Variants in KCNE2 observed in about 807,000 individuals in gnomAD.
KCNE2 encodes the protein potassium voltage-gated channel subfamily E member 2.
Under a neutral mutation model 4.5 loss-of-function variants are expected in KCNE2, and 4 were observed. The ratio of observed to expected loss-of-function variants is 0.89; its 90% CI spans 0.44 to 2.03. KCNE2 has a LOEUF of 2.03. Ranked by LOEUF, KCNE2 falls within the 30% of genes most tolerant of loss-of-function variation. The pLI is 0.03. For synonymous variants in KCNE2, 57 were observed against 55.9 expected (o/e 1.02, Z -0.09); for missense variants, 137 against 151.4 (o/e 0.90, Z 0.50).
At chr21:34,367,492 AAGTTTCCTTCCAACCCACT>A (rs1263430838) in intron 1 of KCNE2, among the ~76,000 whole-genome samples, 2 of 152,138 alleles carry the variant, frequency 1.3e-5, no homozygotes, top group Non-Finnish European at 2.9e-5. Context: ...TCTATTTGTT[AAGTTTCCTTCCAACCCACT>A]AGCCTGTGTG....
Position 34,370,760 on chromosome 21 carries a change from A to G in KCNE2, c.282A>G (p.Glu94=). The change falls in exon 2 of 2, where the codon GAA becomes GAG. Residue 94 remains glutamate (E), a synonymous_variant. Transcript: ENST00000290310. ...YHQYIVEDWQ[E]KYKSQILNLE... Reference sequence around the variant, plus strand: ...AGTACATTGTAGAGGACTGGCAGGAAAAGTACAAGAGCCAAATCTTGAATC... The same window carrying G: ...AGTACATTGTAGAGGACTGGCAGGAGAAGTACAAGAGCCAAATCTTGAATC... The G allele has an allele frequency of 6.2e-7, 1 of 1,614,210 alleles. No individual in the cohort carries two copies. The highest frequency in any genetic ancestry group is 8.5e-7 in the Non-Finnish European group (1 of 1,180,020).
intron 1 of KCNE2, among the ~76,000 whole-genome samples, chr21:34,367,738 C>G (rs1310841459): frequency 6.6e-6 from 1 of 152,156 alleles, no homozygotes; most frequent in Non-Finnish European, 1.5e-5. Context: ...ATCTGATTCT[C>G]TTTTCATGAA....
intron 1 of KCNE2, among the ~76,000 whole-genome samples, chr21:34,369,393 T>C (rs1334673143): frequency 6.6e-6 from 1 of 151,882 alleles, no homozygotes; most frequent in Non-Finnish European, 1.5e-5. Flanking sequence ...CTACCAAAAA[T>C]ACAAAAGTTA....
chr21:34,366,798 T>C (rs768749175), intron 1 of KCNE2, among the ~76,000 whole-genome samples: 15 of 151,344 alleles, frequency 9.9e-5, no homozygotes. Flanking sequence ...GCTAACATGG[T>C]GAAACCCCGT....
chr21:34,370,057 A>G (rs1056018609), intron 1 of KCNE2, among the ~76,000 whole-genome samples: 9 of 152,250 alleles, frequency 5.9e-5, no homozygotes, highest in African/African-American at 1.9e-4. Flanking sequence ...AAGTAATGCA[A>G]GACTGCTGAT....
At chr21:34,370,088 A>C (rs1239834123) in intron 1 of KCNE2, among the ~76,000 whole-genome samples, 1 of 152,220 alleles carries the variant, frequency 6.6e-6, no homozygotes, top group African/African-American at 2.4e-5. Context: ...AATATGAGAA[A>C]AGCATAAAGA....
chr21:34,366,895 C>T (rs71327000), intron 1 of KCNE2, among the ~76,000 whole-genome samples: 3 of 131,768 alleles, frequency 2.3e-5, no homozygotes, highest in Non-Finnish European at 4.6e-5. Context: ...AGGAGAATGG[C>T]GTAAACCCGG....
Position 34,370,507 on chromosome 21 carries a change from CG to C in KCNE2, c.30del (p.Leu11TrpfsTer45). 6.2e-7 allele frequency: 1 copy of C among 1,614,120 alleles called. No individual in the cohort carries two copies. Among genetic ancestry groups the C allele is most frequent in the Non-Finnish European group, 8.5e-7 (1 of 1,180,022 alleles). ...TCTACTTTATCCAATTTCACACAGACGCTGGAAGACGTCTTCCGAAGGATTT... is the reference window on the plus strand; with the variant it reads ...TCTACTTTATCCAATTTCACACAGACCTGGAAGACGTCTTCCGAAGGATTT... MSTLSNFTQ[T>X]LEDVFRRIFI... On this transcript the variant is annotated frameshift_variant, in exon 2 of 2. Transcript: ENST00000290310. LOFTEE classifies it high-confidence loss of function.
chr21:34,369,792 T>C (rs12481733), intron 1 of KCNE2, among the ~76,000 whole-genome samples: 4,027 of 152,342 alleles, frequency 0.026, 80 homozygotes, highest in Middle Eastern at 0.051. Context: ...CTTTCAAATA[T>C]AGATGTACAC....
At position 34,371,094 on chromosome 21, in the gene KCNE2, A is replaced by G. The variant is rs1979573023; in HGVS notation, c.*244A>G. On this transcript the variant is annotated 3_prime_UTR_variant, in exon 2 of 2. Transcript: ENST00000290310. ...CCTCTTTTACTTTCCGGGCAAGTGA[A>G]TGTCATTTTAATCAATATCAATGAT... The G allele has an allele frequency of 1.8e-6, 1 of 564,928 alleles. No homozygotes were observed. Among genetic ancestry groups the G allele is most frequent in the Admixed American group, 3.3e-5 (1 of 30,534 alleles). 35.0% of individuals were successfully genotyped at this position (564,928 alleles called of 1,614,324 possible). A position where few individuals can be genotyped will look rare whatever the true frequency, so the allele number is the denominator to read the frequency against.
At position 34,368,660 on chromosome 21, in the gene KCNE2, C is replaced by T. The variant is rs373124554; in HGVS notation, c.-12-1807C>T. ...CCTTGATGTTATGTCTAAAGCCCCA[C>T]AATTCTCTAAAAACAGAGATGTATA... On this transcript the variant is annotated intron_variant, in intron 1 of 1. Transcript: ENST00000290310. Among the ~76,000 whole-genome samples, 38 of 152,254 alleles carry T rather than the reference C, an allele frequency of 2.5e-4. 1 individual carries two copies. The highest frequency in any genetic ancestry group is 8.7e-4 in the African/African-American group (36 of 41,524).
At chr21:34,370,412 CA>C in intron 1 of KCNE2, 54 bp from the exon 2 acceptor site, 1 of 1,611,082 alleles carries the variant, frequency 6.2e-7, no homozygotes, top group Non-Finnish European at 8.5e-7. Flanking sequence ...TAGCCAAATC[CA>C]GAAAAGATCC....
chr21:34,366,548 A>G (rs963643198), intron 1 of KCNE2, among the ~76,000 whole-genome samples: 1 of 152,078 alleles, frequency 6.6e-6, no homozygotes, highest in African/African-American at 2.4e-5. Flanking sequence ...GAGTAAAGCA[A>G]TCCCTGCCTT....
At chr21:34,367,700 G>C (rs982621103) in intron 1 of KCNE2, among the ~76,000 whole-genome samples, 5 of 152,212 alleles carry the variant, frequency 3.3e-5, no homozygotes, top group African/African-American at 1.2e-4. Context: ...TTATTCAGCT[G>C]ATTGAAATTC....
At chr21:34,366,740 G>C (rs1417136546) in intron 1 of KCNE2, among the ~76,000 whole-genome samples, 1 of 151,896 alleles carries the variant, frequency 6.6e-6, no homozygotes, top group African/African-American at 2.4e-5. Context: ...AGCACTTTGG[G>C]AGGCCAAGGT....
chr21:34,365,068 T>C (rs2123418037), intron 1 of KCNE2, among the ~76,000 whole-genome samples: 1 of 152,286 alleles, frequency 6.6e-6, no homozygotes, highest in African/African-American at 2.4e-5. Context: ...TGCTGGACAC[T>C]GGCTTGGGTG....
intron 1 of KCNE2, among the ~76,000 whole-genome samples, chr21:34,367,721 T>C (rs1338480338): frequency 6.6e-6 from 1 of 152,178 alleles, no homozygotes; most frequent in African/African-American, 2.4e-5. Flanking sequence ...CTTTCCCAGA[T>C]GGGGAGATCT....
At chr21:34,368,227 AC>A (rs1227086070) in intron 1 of KCNE2, among the ~76,000 whole-genome samples, 66 of 56,368 alleles carry the variant, frequency 1.2e-3, no homozygotes, top group East Asian at 0.011. Flanking sequence ...ACACACACAC[AC>A]AATATATATA....
chr21:34,368,020 C>T (rs1979382705), intron 1 of KCNE2, among the ~76,000 whole-genome samples: 1 of 151,936 alleles, frequency 6.6e-6, no homozygotes, highest in Non-Finnish European at 1.5e-5. Context: ...AACTGAGCCT[C>T]TCACAGAGTT....
Sources: gnomAD v4.1 joint callset for allele counts (sites outside exome capture counted in the v4.1 genomes callset) on GRCh38, gnomAD v4.1.1 for gene constraint, MANE v1.5 for transcripts, NCBI Gene and HGNC (gene_info 2026-07-23, HGNC 2026-07-21) for gene names.